Variants in PAK5 observed in about 807,000 individuals in gnomAD.
The protein encoded by PAK5 is p21 (RAC1) activated kinase 5.
Under a neutral mutation model 65.9 loss-of-function variants are expected in PAK5, and 16 were observed. That is an observed-to-expected ratio of 0.24 (90% CI 0.16 to 0.37). The LOEUF is 0.37. Among genes scored for constraint, PAK5 ranks in the 10% least tolerant of loss-of-function variants. The pLI is 1.00. For synonymous variants in PAK5, 371 were observed against 354.9 expected, an observed-to-expected ratio of 1.05 and a Z score of -0.51; for missense variants, 785 against 903.9, an observed-to-expected ratio of 0.87 and a Z score of 1.69.
chr20:9,815,670 T>C (rs2049348597), intron 1 of PAK5, among the ~76,000 whole-genome samples: 1 of 152,220 alleles, frequency 6.6e-6, no homozygotes, highest in Non-Finnish European at 1.5e-5. Flanking sequence ...AAATAAGTCT[T>C]TCTAATGATT....
At chr20:9,694,833 T>A (rs2047846687) in intron 2 of PAK5, among the ~76,000 whole-genome samples, 1 of 152,076 alleles carries the variant, frequency 6.6e-6, no homozygotes, top group African/African-American at 2.4e-5. Context: ...TTCAGGACTT[T>A]TAAAAATAAT....
At chr20:9,571,882 G>T (rs956292466) in intron 4 of PAK5, among the ~76,000 whole-genome samples, 3 of 142,232 alleles carry the variant, frequency 2.1e-5, no homozygotes, top group African/African-American at 5.2e-5. Context: ...GATGGGGGGG[G>T]GGGATGTGGT....
At chr20:9,592,130 A>G (rs930311289) in intron 3 of PAK5, among the ~76,000 whole-genome samples, 1 of 152,192 alleles carries the variant, frequency 6.6e-6, no homozygotes, top group Non-Finnish European at 1.5e-5. Flanking sequence ...CCCATTAAAT[A>G]TTAAGGTCAT....
intron 1 of PAK5, among the ~76,000 whole-genome samples, chr20:9,818,221 T>C (rs2049380416): frequency 6.6e-6 from 1 of 152,190 alleles, no homozygotes; most frequent in Admixed American, 6.5e-5. Flanking sequence ...TCCTCAGGTA[T>C]GTCTGATCAT....
chr20:9,573,295 A>C (rs2045824495), intron 4 of PAK5, among the ~76,000 whole-genome samples: 1 of 152,236 alleles, frequency 6.6e-6, no homozygotes, highest in Admixed American at 6.5e-5. Flanking sequence ...ACTCAGCCGG[A>C]CTACCTTTCT....
chr20:9,551,537 C>T (rs930534187), intron 7 of PAK5, among the ~76,000 whole-genome samples: 1 of 152,072 alleles, frequency 6.6e-6, no homozygotes, highest in Non-Finnish European at 1.5e-5. Context: ...TGAGAGTGGG[C>T]AAAAGAGAGT....
rs531758036 is a variant in PAK5 at position 9,611,072 on chromosome 20, A to G, written c.205-30142T>C. Among the ~76,000 whole-genome samples, 156 of 152,228 alleles carry G rather than the reference A, an allele frequency of 1.0e-3. 1 individual carries two copies. Among genetic ancestry groups the G allele is most frequent in the African/African-American group, 3.6e-3 (148 of 41,540 alleles). On this transcript the variant is annotated intron_variant, in intron 3 of 9. Transcript: ENST00000353224. ...CCAGAACTGCGAGAAATAAATTTTT[A>G]TTGTTGGTAAATTTTCCATTCCCTG...
chr20:9,822,801 A>G (rs1569102276), intron 1 of PAK5, among the ~76,000 whole-genome samples: 1 of 152,236 alleles, frequency 6.6e-6, no homozygotes, highest in Non-Finnish European at 1.5e-5. Context: ...TTGGAAGTAC[A>G]GAGAAACTAA....
chr20:9,680,743 CT>C (rs1194513503), intron 2 of PAK5, among the ~76,000 whole-genome samples: 1 of 152,162 alleles, frequency 6.6e-6, no homozygotes, highest in East Asian at 1.9e-4. Context: ...GGAGTCCTAA[CT>C]GGGTCTGCTC....
At chr20:9,778,865 G>C (rs1416303973) in intron 1 of PAK5, among the ~76,000 whole-genome samples, 1 of 152,140 alleles carries the variant, frequency 6.6e-6, no homozygotes, top group African/African-American at 2.4e-5. Flanking sequence ...AGTTGAGGTA[G>C]AGAACATTTT....
intron 1 of PAK5, among the ~76,000 whole-genome samples, chr20:9,801,610 T>A (rs6039590): frequency 0.6 from 90,494 of 150,698 alleles, 27,372 homozygotes; most frequent in African/African-American, 0.68. Context: ...TATATAATAT[T>A]ACCAGGTAAA....
rs146200703 is a variant in PAK5 at position 9,836,389 on chromosome 20, G to A, written c.-162+2373C>T. On this transcript the variant is annotated intron_variant, in intron 1 of 9. Transcript: ENST00000353224. ...CCTAAATCCAATATGAATGATGTCC[G>A]TATAAGAAAAGGGAAATTTGGACAC... 2.2e-4 allele frequency among the ~76,000 whole-genome samples: 34 copies of A among 152,250 alleles called. No individual in the cohort carries two copies. The East Asian group carries it at 5.6e-3, about 25-fold the overall frequency.
intron 4 of PAK5, among the ~76,000 whole-genome samples, chr20:9,575,925 T>G (rs1422308645): frequency 6.6e-6 from 1 of 152,172 alleles, no homozygotes; most frequent in Admixed American, 6.5e-5. Flanking sequence ...TCCATAAAGA[T>G]TTGGAGTCTC....
intron 7 of PAK5, among the ~76,000 whole-genome samples, chr20:9,546,467 G>A (rs2045346322): frequency 6.6e-6 from 1 of 152,104 alleles, no homozygotes; most frequent in Non-Finnish European, 1.5e-5. Context: ...CAAGATCTGG[G>A]TATTGCCATC....
At chr20:9,635,847 G>A (rs1299363720) in intron 3 of PAK5, among the ~76,000 whole-genome samples, 3 of 152,208 alleles carry the variant, frequency 2.0e-5, no homozygotes, top group Non-Finnish European at 4.4e-5. Flanking sequence ...TAATCTGTGA[G>A]CTTTAAGAAG....
chr20:9,681,813 T>A (rs1009987923), intron 2 of PAK5, among the ~76,000 whole-genome samples: 9 of 152,188 alleles, frequency 5.9e-5, no homozygotes, highest in African/African-American at 1.7e-4. Flanking sequence ...CCCTCTTGAT[T>A]TTCTCTCGCT....
chr20:9,834,505 T>A (rs1978992610), intron 1 of PAK5, among the ~76,000 whole-genome samples: 1 of 152,228 alleles, frequency 6.6e-6, no homozygotes, highest in Non-Finnish European at 1.5e-5. Flanking sequence ...GGATGATTTT[T>A]AAAATAAAAC....
chr20:9,545,425 A>G (rs1376312186), intron 7 of PAK5, among the ~76,000 whole-genome samples: 2 of 152,230 alleles, frequency 1.3e-5, no homozygotes, highest in African/African-American at 4.8e-5. Context: ...AGAGCCACTT[A>G]GAGTTGTTGG....
intron 5 of PAK5, among the ~76,000 whole-genome samples, chr20:9,563,464 A>C (rs573017380): frequency 6.6e-6 from 1 of 152,210 alleles, no homozygotes; most frequent in African/African-American, 2.4e-5. Context: ...GAAGTAAACT[A>C]TCTATTATTA....
Sources: allele counts gnomAD v4.1 joint callset (sites outside exome capture counted in the v4.1 genomes callset), GRCh38; gene constraint gnomAD v4.1.1; transcripts MANE v1.5; gene names NCBI Gene and HGNC (gene_info 2026-07-23, HGNC 2026-07-21).